CTNND2: variants seen among roughly 807,000 people sequenced by gnomAD.
The protein encoded by CTNND2 is catenin delta-2.
CTNND2 carries 22 observed loss-of-function variants against 144.4 expected under a neutral mutation model. The ratio of observed to expected loss-of-function variants is 0.15; its 90% confidence interval spans 0.11 to 0.22. The LOEUF is 0.22. Ranked by LOEUF, CTNND2 falls within the 10% of genes least tolerant of loss-of-function variation. CTNND2 has a pLI of 1.00. For synonymous variants in CTNND2, 751 were observed against 695.6 expected, an observed-to-expected ratio of 1.08 and a Z score of -1.25; for missense variants, 1,353 against 1,618.8, an observed-to-expected ratio of 0.84 and a Z score of 2.82.
chr5:11,121,786 C>T (rs1754166803), intron 12 of CTNND2, among the ~76,000 whole-genome samples: 1 of 152,136 alleles, frequency 6.6e-6, no homozygotes, highest in South Asian at 2.1e-4. Context: ...AAAGATGTGT[C>T]TCTGCTTCAG....
At chr5:11,583,872 A>G (rs1286578905) in intron 2 of CTNND2, among the ~76,000 whole-genome samples, 1 of 152,202 alleles carries the variant, frequency 6.6e-6, no homozygotes, top group East Asian at 1.9e-4. Context: ...TACAAACTAA[A>G]GTCAGGGCCA....
At chr5:11,673,312 C>T (rs1301161901) in intron 2 of CTNND2, among the ~76,000 whole-genome samples, 1 of 152,174 alleles carries the variant, frequency 6.6e-6, no homozygotes, top group African/African-American at 2.4e-5. Context: ...AGTTCTTTCT[C>T]TAAATAGTTC....
chr5:11,220,657 A>G (rs1011397033), intron 10 of CTNND2, among the ~76,000 whole-genome samples: 1 of 152,198 alleles, frequency 6.6e-6, no homozygotes, highest in Non-Finnish European at 1.5e-5. Flanking sequence ...CTTCTATGCG[A>G]GGGTGTGCTG....
At chr5:11,633,208 T>C (rs1424951700) in intron 2 of CTNND2, among the ~76,000 whole-genome samples, 4 of 152,034 alleles carry the variant, frequency 2.6e-5, no homozygotes, top group African/African-American at 7.2e-5. Context: ...AGTTAACACG[T>C]TGAAAGTGAA....
intron 1 of CTNND2, among the ~76,000 whole-genome samples, chr5:11,886,975 CTTTT>C (rs36178842): frequency 3.6e-5 from 3 of 83,594 alleles, no homozygotes; most frequent in Admixed American, 1.6e-4. Flanking sequence ...TATCCTACTG[CTTTT>C]TTTTTTTTTT....
intron 2 of CTNND2, among the ~76,000 whole-genome samples, chr5:11,578,919 G>T (rs916919274): frequency 2.6e-5 from 4 of 152,136 alleles, no homozygotes; most frequent in Non-Finnish European, 4.4e-5. Context: ...TGCTTAGGAA[G>T]TAATATATTC....
intron 2 of CTNND2, among the ~76,000 whole-genome samples, chr5:11,641,280 A>G (rs934799162): frequency 2.0e-5 from 3 of 152,126 alleles, no homozygotes; most frequent in Admixed American, 1.3e-4. Flanking sequence ...ATTCTGCTTT[A>G]AAGTGTGCAA....
intron 2 of CTNND2, among the ~76,000 whole-genome samples, chr5:11,581,569 T>A (rs898963354): frequency 1.3e-5 from 2 of 152,196 alleles, no homozygotes; most frequent in Non-Finnish European, 2.9e-5. Context: ...CCTAGATGGA[T>A]TGCACTGTGA....
chr5:11,643,013 C>G (rs866292263), intron 2 of CTNND2, among the ~76,000 whole-genome samples: 1 of 152,108 alleles, frequency 6.6e-6, no homozygotes, highest in African/African-American at 2.4e-5. Context: ...CCCTGTGTCA[C>G]TAGAGTCCTG....
At chr5:11,748,101 C>A (rs914608842) in intron 1 of CTNND2, among the ~76,000 whole-genome samples, 1 of 152,102 alleles carries the variant, frequency 6.6e-6, no homozygotes, top group African/African-American at 2.4e-5. Flanking sequence ...TTAAAATTAA[C>A]TATAAAACCG....
intron 3 of CTNND2, among the ~76,000 whole-genome samples, chr5:11,452,229 T>G (rs897916916): frequency 2.0e-5 from 3 of 152,222 alleles, no homozygotes; most frequent in Non-Finnish European, 4.4e-5. Context: ...TTTGCTTTTT[T>G]TATCCTGGTT....
intron 2 of CTNND2, among the ~76,000 whole-genome samples, chr5:11,651,503 G>T (rs2126537463): frequency 6.6e-6 from 1 of 152,346 alleles, no homozygotes; most frequent in South Asian, 2.1e-4. Flanking sequence ...TAGTGGAGCT[G>T]TGAGATAAGG....
At chr5:11,415,043 T>C (rs188867602) in intron 3 of CTNND2, among the ~76,000 whole-genome samples, 3 of 152,336 alleles carry the variant, frequency 2.0e-5, no homozygotes, top group Admixed American at 1.3e-4. Context: ...CTATTGTAAA[T>C]AGTGCTGCAA....
At chr5:11,251,583 C>T (rs972221100) in intron 9 of CTNND2, among the ~76,000 whole-genome samples, 1 of 152,144 alleles carries the variant, frequency 6.6e-6, no homozygotes, top group Non-Finnish European at 1.5e-5. Flanking sequence ...CGGAATCCCT[C>T]GAATTTCCTA....
At position 11,400,060 on chromosome 5, in the gene CTNND2, A is replaced by G. The variant is rs139981359; in HGVS notation, c.440-2857T>C. 3.3e-3 allele frequency among the ~76,000 whole-genome samples: 496 copies of G among 152,340 alleles called. 6 individuals carry two copies. Among genetic ancestry groups the G allele is most frequent in the African/African-American group, 0.012 (479 of 41,584 alleles). On this transcript the variant is annotated intron_variant, in intron 5 of 21. Transcript: ENST00000304623. ...TTAATATTACTGTGCAATGAGGTAGAAAATACAAATTTGCCAAGGATTTAA... is the reference window on the plus strand; with the variant it reads ...TTAATATTACTGTGCAATGAGGTAGGAAATACAAATTTGCCAAGGATTTAA...
chr5:11,753,962 A>AT (rs1262333518), intron 1 of CTNND2, among the ~76,000 whole-genome samples: 6 of 150,062 alleles, frequency 4.0e-5, no homozygotes, highest in Non-Finnish European at 8.9e-5. Context: ...AGAGGTGTGC[A>AT]TAGAGGTGTT....
chr5:11,250,439 C>T (rs573666023), intron 9 of CTNND2, among the ~76,000 whole-genome samples: 17 of 132,132 alleles, frequency 1.3e-4, no homozygotes, highest in Admixed American at 5.5e-4. Context: ...TGAAAGTTTG[C>T]GGTGAATTTA....
intron 18 of CTNND2, among the ~76,000 whole-genome samples, chr5:11,013,373 T>C (rs1330086289): frequency 6.6e-6 from 1 of 152,226 alleles, no homozygotes; most frequent in Non-Finnish European, 1.5e-5. Flanking sequence ...ATTATATAGA[T>C]AATTTTGTAT....
At chr5:11,599,727 T>A (rs1205690597) in intron 2 of CTNND2, among the ~76,000 whole-genome samples, 2 of 152,114 alleles carry the variant, frequency 1.3e-5, no homozygotes, top group Non-Finnish European at 2.9e-5. Context: ...AATAGAAAAG[T>A]GATTGCGAAA....
Sources: gnomAD v4.1 joint callset for allele counts (sites outside exome capture counted in the v4.1 genomes callset) on GRCh38, gnomAD v4.1.1 for gene constraint, MANE v1.5 for transcripts, NCBI Gene and HGNC (gene_info 2026-07-23, HGNC 2026-07-21) for gene names.